GMPPA: variants seen among roughly 807,000 people sequenced by gnomAD.
GMPPA encodes mannose-1-phosphate guanylyltransferase regulatory subunit alpha.
Under a neutral mutation model 58.6 loss-of-function variants are expected in GMPPA, and 46 were observed. That is an observed-to-expected ratio of 0.78 (90% CI 0.62 to 1.00). The LOEUF (loss-of-function observed/expected upper bound fraction) is 1.00. Ranked by LOEUF, GMPPA falls within the 50% of genes least tolerant of loss-of-function variation. The pLI is 0.00. For synonymous variants in GMPPA, 211 were observed against 214.9 expected (o/e 0.98, Z 0.16); for missense variants, 468 against 556.4 (o/e 0.84, Z 1.60).
chr2:219,500,135 CCT>C lies in GMPPA; in HGVS notation c.56_57del (p.Pro19LeufsTer4). 6.2e-7 allele frequency: 1 copy of C among 1,603,070 alleles called. No individual in the cohort carries two copies. Among genetic ancestry groups the C allele is most frequent in the Non-Finnish European group, 8.5e-7 (1 of 1,173,566 alleles). ...TCCTCTCCCAGGAACTCGCTTCAGA[CCT>C]TTGTCTTTTGAGGTGCCCAAACCAT... is the stretch of plus-strand genomic sequence containing the variant. ...GGPQKGTRFRPLSFEVPKPLF... is the reference protein window; with the variant it reads ...GGPQKGTRFRXLSFEVPKPLF... On this transcript the variant is annotated frameshift_variant, in exon 3 of 13. Coordinates refer to ENST00000313597, the MANE Select transcript of GMPPA (RefSeq NM_013335.4). LOFTEE classifies it high-confidence loss of function.
chr2:219,506,262 G>A lies in GMPPA; in HGVS notation c.1002G>A (p.Thr334=), dbSNP rs148198539. The A allele has an allele frequency of 2.9e-5, 47 of 1,610,448 alleles. No homozygotes were observed. The highest frequency in any genetic ancestry group is 2.1e-4 in the African/African-American group (16 of 74,884). The change falls in exon 12 of 13, where the codon ACG becomes ACA. Residue 334 remains threonine, a synonymous_variant. Coordinates refer to ENST00000313597, the MANE Select transcript of GMPPA (RefSeq NM_013335.4). ...ACTGTCCTCTTTGGCAGGAGCACAC[G>A]TGTGTTCTGCATAGCATCGTGGGCT... The part of the protein sequence containing the change: ...VLHGATLQEH[T]CVLHSIVGWG...
intron 4 of GMPPA, 68 bp from the exon 5 acceptor site, chr2:219,501,783 A>G (rs778321872): frequency 7.0e-7 from 1 of 1,426,214 alleles, no homozygotes; most frequent in Non-Finnish European, 9.8e-7. Context: ...GGTGGCGGTC[A>G]GGTGCCCTGG....
At position 219,505,268 on chromosome 2, in the gene GMPPA, C is replaced by T. The variant is rs757706170; in HGVS notation, c.661C>T (p.Arg221Cys). 13 of 1,613,926 alleles carry T rather than the reference C, an allele frequency of 8.1e-6. No homozygotes were observed. Among genetic ancestry groups the T allele is most frequent in the South Asian group, 4.4e-5 (4 of 91,084 alleles). Residue 221 changes from arginine to cysteine, a missense_variant, in exon 8 of 13, where the codon CGC becomes TGC. Transcript: ENST00000313597. ...PGLWPGAGTI[R>C]LEQDVFSALA... Reference sequence around the variant, plus strand: ...CTTGTGGCCAGGGGCAGGTACCATCCGCCTAGAGCAGGATGTGTTTTCAGC... The same window carrying T: ...CTTGTGGCCAGGGGCAGGTACCATCTGCCTAGAGCAGGATGTGTTTTCAGC...
intron 3 of GMPPA, chr2:219,500,722 T>G (rs1694359828): frequency 5.9e-6 from 1 of 169,560 alleles, no homozygotes; most frequent in Non-Finnish European, 1.3e-5. Context: ...TGGTGAAGCT[T>G]AGAAATGATA....
chr2:219,504,546 G>A (rs913954894), intron 7 of GMPPA: 7 of 361,042 alleles, frequency 1.9e-5, no homozygotes, highest in East Asian at 5.9e-5. Flanking sequence ...ACGTGTGCAC[G>A]TGCACACACA....
At chr2:219,499,890 T>A in intron 1 of GMPPA, 66 bp from the exon 2 acceptor site, 2 of 1,192,570 alleles carry the variant, frequency 1.7e-6, no homozygotes, top group South Asian at 2.4e-5. Flanking sequence ...TAAGTGTTGC[T>A]ATTTGGGTTT....
chr2:219,506,614 C>A, intron 12 of GMPPA, 84 bp from the exon 13 acceptor site: 1 of 988,334 alleles, frequency 1.0e-6, no homozygotes. Context: ...CAGGAGGGCT[C>A]CCTCCCTGCT....
chr2:219,501,592 A>C lies in GMPPA; in HGVS notation c.242+13A>C. The C allele has an allele frequency of 6.7e-7, 1 of 1,498,142 alleles. No individual in the cohort carries two copies. 92.8% of individuals were successfully genotyped at this position (1,498,142 alleles called of 1,614,324 possible). A position where few individuals can be genotyped will look rare whatever the true frequency, so the allele number is the denominator to read the frequency against. ...ACCTTCCAGTCAGGTGTTTGTGCACACACTCGTATATGGGGGGGTGGGGAT... is the reference window on the plus strand; with the variant it reads ...ACCTTCCAGTCAGGTGTTTGTGCACCCACTCGTATATGGGGGGGTGGGGAT... On this transcript the variant is annotated intron_variant, in intron 4 of 12. Transcript: ENST00000313597.
intron 2 of GMPPA, 32 bp from the exon 3 acceptor site, chr2:219,500,089 A>G: frequency 6.3e-7 from 1 of 1,599,278 alleles, no homozygotes; most frequent in South Asian, 1.1e-5. Context: ...GGAAGGCAGG[A>G]GGCCGAAATG....
At chr2:219,504,672 C>T (rs1343581326) in intron 7 of GMPPA, 2 of 202,524 alleles carry the variant, frequency 9.9e-6, no homozygotes, top group East Asian at 2.9e-4. Context: ...TCTAGGGATC[C>T]TTGCCTTAAC....
chr2:219,505,480 C>A lies in GMPPA; in HGVS notation c.778C>A (p.Leu260Ile). Residue 260 changes from leucine to isoleucine, a missense_variant, in exon 9 of 13, where the codon CTC becomes ATC. Physicochemically the swap from Leu to Ile is conservative, Grantham distance 5. Transcript: ENST00000313597. The part of the protein sequence containing the change: ...SAGSALYASR[L>I]YLSRYQDTHP... ...CAGTTCAGCCCTCTACGCCTCCCGC[C>A]TCTACCTGAGCCGATACCAGGACAC... 6.3e-7 allele frequency: 1 copy of A among 1,579,866 alleles called. No homozygotes were observed. Among genetic ancestry groups the A allele is most frequent in the African/African-American group, 1.3e-5 (1 of 74,756 alleles).
In GMPPA at chr2:219,504,185, T is replaced by C. The variant is rs773715630; in HGVS notation, c.592T>C (p.Phe198Leu). The change falls in exon 7 of 13, where the codon TTC becomes CTC. Residue 198 changes from phenylalanine (F) to leucine (L), a missense_variant. Transcript: ENST00000313597. ...PEALKPLRDV[F>L]QRNQQDGQLE... is the part of the protein sequence containing the mutation. Reference sequence around the variant, plus strand: ...AGCCTTGAAGCCTCTTCGGGATGTCTTCCAGCGTAATCAGCAGGATGGGCA... The same window carrying C: ...AGCCTTGAAGCCTCTTCGGGATGTCCTCCAGCGTAATCAGCAGGATGGGCA... 73 of 1,613,998 alleles carry C rather than the reference T, an allele frequency of 4.5e-5. No individual in the cohort carries two copies. In the South Asian group the frequency reaches 7.6e-4, roughly 17 times the overall value.
At chr2:219,503,959 G>C in intron 6 of GMPPA, 124 bp from the exon 7 acceptor site, 1 of 1,028,678 alleles carries the variant, frequency 9.7e-7, no homozygotes, top group Non-Finnish European at 1.5e-6. Flanking sequence ...GATGCGCACT[G>C]CATTTTAGCC....
intron 7 of GMPPA, 97 bp downstream of exon 7, chr2:219,504,310 T>C: frequency 1.7e-6 from 2 of 1,168,694 alleles, no homozygotes; most frequent in Non-Finnish European, 2.5e-6. Context: ...CTTGCTCACC[T>C]TCCTCCTCCC....
At chr2:219,499,701 A>G in intron 1 of GMPPA, 2 of 566,700 alleles carry the variant, frequency 3.5e-6, no homozygotes, top group Non-Finnish European at 6.3e-6. Context: ...GACTATATTG[A>G]GCTTTGGGTT....
chr2:219,501,727 A>C, intron 4 of GMPPA, 124 bp from the exon 5 acceptor site: 1 of 922,544 alleles, frequency 1.1e-6, no homozygotes, highest in Non-Finnish European at 1.7e-6. Flanking sequence ...CTGAGTATAT[A>C]GAGTTTCTCT....
intron 6 of GMPPA, among the ~76,000 whole-genome samples, chr2:219,503,518 A>G (rs1694471929): frequency 6.6e-6 from 1 of 152,234 alleles, no homozygotes; most frequent in Non-Finnish European, 1.5e-5. Flanking sequence ...ACACACATAT[A>G]GTTTTGTGCT....
intron 12 of GMPPA, 27 bp downstream of exon 12, chr2:219,506,449 G>A (rs999679262): frequency 6.2e-7 from 1 of 1,600,906 alleles, no homozygotes; most frequent in South Asian, 1.1e-5. Context: ...GCCAGGGCTG[G>A]GGGAACCCCT....
rs1694332095 is a variant in GMPPA at position 219,500,015 on chromosome 2, G to A, written c.40G>A (p.Gly14Arg). ...GATCCTGATTGGAGGCCCTCAAAAG[G>A]GTGAGGTGCCAGGGGAATGGGGGGA... is the stretch of plus-strand genomic sequence containing the variant. ...AVILIGGPQKGTRFRPLSFEV... is the reference protein window; with the variant it reads ...AVILIGGPQKRTRFRPLSFEV... Residue 14 changes from glycine (G) to arginine (R), a missense_variant and splice_region_variant, in exon 2 of 13, where the codon GGA becomes AGA. By Grantham distance (125) the Gly-to-Arg change is moderately radical. Transcript: ENST00000313597. The A allele has an allele frequency of 6.2e-7, 1 of 1,613,618 alleles. No homozygotes were observed. The highest frequency in any genetic ancestry group is 1.3e-5 in the African/African-American group (1 of 74,878).
Sources: gnomAD v4.1 joint callset for allele counts (sites outside exome capture counted in the v4.1 genomes callset) on GRCh38, gnomAD v4.1.1 for gene constraint, MANE v1.5 for transcripts, NCBI Gene and HGNC (gene_info 2026-07-23, HGNC 2026-07-21) for gene names.